The following TMEM64 variants were observed in gnomAD, a reference collection of about 807,000 sequenced individuals.
TMEM64 encodes the protein transmembrane protein 64.
A neutral mutation model predicts 24.5 loss-of-function variants in TMEM64; 19 were observed. The observed-to-expected ratio is 0.78, with a 90% CI of 0.54 to 1.14. The LOEUF is 1.14. TMEM64 is among the 50% of genes most tolerant of loss of function. The probability of loss-of-function intolerance (pLI) is 0.00; values close to 1 mark genes in which losing one functional copy is unlikely to be tolerated. For synonymous variants in TMEM64, 262 were observed against 224.7 expected (o/e 1.17, Z -1.49); for missense variants, 487 against 493.0 (o/e 0.99, Z 0.12).
chr8:90,644,360 A>C (rs1003486920), intron 1 of TMEM64, among the ~76,000 whole-genome samples: 1 of 152,204 alleles, frequency 6.6e-6, no homozygotes, highest in African/African-American at 2.4e-5. Flanking sequence ...TTTCTATCCT[A>C]AATCAGTTGC....
At chr8:90,633,060 G>C (rs1178654315) in intron 1 of TMEM64, among the ~76,000 whole-genome samples, 2 of 152,124 alleles carry the variant, frequency 1.3e-5, no homozygotes, top group African/African-American at 4.8e-5. Context: ...CTAATGACTT[G>C]ATCTCCTGGT....
rs555739351 is a variant in TMEM64 at position 90,625,694 on chromosome 8, C to T, written c.1120G>A (p.Gly374Arg). ...AATCATACAACATTGATTCCACCTC[C>T]AGAAAATGTTAGGGTCCTCTTGTTG... is the stretch of plus-strand genomic sequence containing the variant. ...FYNKRTLTFS[G>R]GGINVV is the part of the protein sequence containing the mutation. Residue 374 changes from glycine to arginine, a missense_variant, in exon 3 of 3, where the codon GGA becomes AGA. By Grantham distance (125) the Gly-to-Arg change is moderately radical (BLOSUM62 -2). Transcript: ENST00000458549. The T allele has an allele frequency of 5.5e-5, 88 of 1,613,616 alleles. 1 individual carries two copies. The South Asian group carries it at 7.5e-4, about 14-fold the overall frequency.
rs941152444 is a variant in TMEM64, at chr8:90,622,409, C to T, written c.*3262G>A. On this transcript the variant is annotated 3_prime_UTR_variant, in exon 3 of 3. Transcript: ENST00000458549. ...GTAGCCTCTGGCTGAAACAAAATTC[C>T]ACCACCAAGGCCATCAACCAGGTTA... 1.9e-4 allele frequency: 29 copies of T among 152,142 alleles called. No homozygotes were observed. Among genetic ancestry groups the T allele is most frequent in the African/African-American group, 6.5e-4 (27 of 41,418 alleles). The allele number at this position is 152,142 out of a possible 1,614,324, so 9.4% of individuals were successfully genotyped here.
At position 90,625,702 on chromosome 8, in the gene TMEM64, G is replaced by T; in HGVS notation, c.1112C>A (p.Thr371Lys). Reference sequence around the variant, plus strand: ...AACATTGATTCCACCTCCAGAAAATGTTAGGGTCCTCTTGTTGTAGAATGA... The same window carrying T: ...AACATTGATTCCACCTCCAGAAAATTTTAGGGTCCTCTTGTTGTAGAATGA... ...GSSFYNKRTL[T>K]FSGGGINVV The change falls in exon 3 of 3, where the codon ACA becomes AAA. Residue 371 changes from threonine (T) to lysine (K), a missense_variant. Thr to Lys is a moderately conservative substitution (Grantham distance 78, BLOSUM62 -1). Transcript: ENST00000458549. 1 of 1,613,756 alleles carries T rather than the reference G, an allele frequency of 6.2e-7. No homozygotes were observed. Among genetic ancestry groups the T allele is most frequent in the Non-Finnish European group, 8.5e-7 (1 of 1,179,844 alleles).
At chr8:90,642,264 A>G (rs1448018929) in intron 1 of TMEM64, among the ~76,000 whole-genome samples, 5 of 152,216 alleles carry the variant, frequency 3.3e-5, no homozygotes, top group Non-Finnish European at 5.9e-5. Context: ...AGATGAGGAA[A>G]TGGAGAAGGC....
rs1809684752 is a variant in TMEM64 at position 90,645,600 on chromosome 8, G to A, written c.306C>T (p.Gly102=). ...PGSGGGGVVV[G]VAEVRNWRCC... ...AGCGCCAGTTTCTCACCTCAGCCAC[G>A]CCGACCACCACGCCGCCGCCGCCAC... The change falls in exon 1 of 3, where the codon GGC becomes GGT. Residue 102 remains glycine (G), a synonymous_variant. Coordinates refer to ENST00000458549, the MANE Select transcript of TMEM64 (RefSeq NM_001008495.4). This position sits in a 1 kb window ranked among gnomAD's most constrained non-coding sequence, Gnocchi z 4.2. 6.5e-7 allele frequency: 1 copy of A among 1,537,640 alleles called. No individual in the cohort carries two copies. Among genetic ancestry groups the A allele is most frequent in the East Asian group, 2.4e-5 (1 of 40,854 alleles).
At chr8:90,643,107 T>A (rs1374460260) in intron 1 of TMEM64, among the ~76,000 whole-genome samples, 3 of 152,216 alleles carry the variant, frequency 2.0e-5, no homozygotes, top group Non-Finnish European at 4.4e-5. Context: ...TGTCAGTCGA[T>A]AAATACATAA....
intron 1 of TMEM64, among the ~76,000 whole-genome samples, chr8:90,639,174 A>C (rs1334214884): frequency 6.6e-6 from 1 of 152,062 alleles, no homozygotes; most frequent in Non-Finnish European, 1.5e-5. Context: ...TAACAGCTAG[A>C]GAGGGCTTCA....
chr8:90,644,521 T>C (rs1809657113), intron 1 of TMEM64, among the ~76,000 whole-genome samples: 1 of 152,236 alleles, frequency 6.6e-6, no homozygotes, highest in Admixed American at 6.5e-5. Context: ...CACCCCGTGA[T>C]TTCGAAATGA....
intron 1 of TMEM64, among the ~76,000 whole-genome samples, chr8:90,639,726 A>G (rs988360064): frequency 4.6e-5 from 7 of 152,242 alleles, no homozygotes; most frequent in Non-Finnish European, 1.0e-4. Context: ...TATCAATAAA[A>G]TGCAAAGAGA....
chr8:90,632,178 G>GGATCAGA (rs1809449792), intron 1 of TMEM64, among the ~76,000 whole-genome samples: 1 of 152,144 alleles, frequency 6.6e-6, no homozygotes, highest in African/African-American at 2.4e-5. Flanking sequence ...TCAGAGTCTT[G>GGATCAGA]CTCTGTCGCC....
At chr8:90,633,308 T>C (rs1048460217) in intron 1 of TMEM64, among the ~76,000 whole-genome samples, 9 of 152,196 alleles carry the variant, frequency 5.9e-5, no homozygotes, top group Non-Finnish European at 1.2e-4. Context: ...AAAAATAGTC[T>C]GGAAAAATAG....
intron 1 of TMEM64, among the ~76,000 whole-genome samples, chr8:90,636,746 A>G (rs1278990304): frequency 6.6e-6 from 1 of 152,222 alleles, no homozygotes; most frequent in African/African-American, 2.4e-5. Context: ...GACATTAAAC[A>G]TGAGCCTAGA....
intron 1 of TMEM64, among the ~76,000 whole-genome samples, chr8:90,633,632 C>T (rs986174788): frequency 6.6e-5 from 10 of 152,222 alleles, no homozygotes; most frequent in African/African-American, 2.4e-4. Context: ...TGATTTAACA[C>T]ACCTGTCAGT....
At chr8:90,633,551 G>GT (rs573857708) in intron 1 of TMEM64, among the ~76,000 whole-genome samples, 237 of 152,290 alleles carry the variant, frequency 1.6e-3, no homozygotes, top group African/African-American at 5.3e-3. Flanking sequence ...CTTAACTCTG[G>GT]TAGGATAGAT....
At chr8:90,640,625 A>T (rs780490236) in intron 1 of TMEM64, among the ~76,000 whole-genome samples, 1 of 152,230 alleles carries the variant, frequency 6.6e-6, no homozygotes, top group Non-Finnish European at 1.5e-5. Context: ...TTGTGGTCTT[A>T]GAGTCATTTG....
chr8:90,630,285 T>C (rs1186264588), intron 2 of TMEM64, among the ~76,000 whole-genome samples: 1 of 152,238 alleles, frequency 6.6e-6, no homozygotes. Flanking sequence ...AAATGCTATG[T>C]AGTTATTGTA....
chr8:90,621,996 A>T (rs369683672), downstream of TMEM64: 11 of 152,286 alleles, frequency 7.2e-5, no homozygotes, highest in East Asian at 2.1e-3. Context: ...AAGCGAGAAG[A>T]AAGTAAAATA....
Position 90,645,540 on chromosome 8 carries a change from G to A in TMEM64, c.366C>T (p.Ser122=). 6.5e-7 allele frequency: 1 copy of A among 1,548,416 alleles called. No individual in the cohort carries two copies. Among genetic ancestry groups the A allele is most frequent in the African/African-American group, 1.4e-5 (1 of 73,158 alleles). Residue 122 remains serine, a synonymous_variant, in exon 1 of 3, where the codon AGC becomes AGT. Coordinates refer to ENST00000458549, the MANE Select transcript of TMEM64 (RefSeq NM_001008495.4). The surrounding 1 kb of genome is among the most constrained non-coding windows in gnomAD (Gnocchi z 4.2). ...CCLGSTCWCR[S]LVLVCVLAAL... ...CGGCCAACACGCAGACCAGCACGAG[G>A]CTCCGGCACCAACAGGTGCTGCCGA...
Sources: gnomAD v4.1 joint callset for allele counts (sites outside exome capture counted in the v4.1 genomes callset) on GRCh38, gnomAD v4.1.1 for gene constraint, Gnocchi (gnomAD v3.1) non-coding constraint, MANE v1.5 for transcripts, NCBI Gene and HGNC (gene_info 2026-07-23, HGNC 2026-07-21) for gene names.